Variants in PDS5A observed in about 807,000 individuals in gnomAD.
The protein encoded by PDS5A is PDS5 cohesin associated factor A, also known as sister chromatid cohesion protein PDS5 homolog A.
In PDS5A, 42 loss-of-function variants were observed where a neutral mutation model predicts 167.1. The ratio of observed to expected loss-of-function variants is 0.25; its 90% confidence interval spans 0.20 to 0.33. PDS5A has a LOEUF of 0.33. Among genes scored for constraint, PDS5A ranks in the 10% least tolerant of loss-of-function variants. The pLI is 1.00. For missense variants in PDS5A, 1,033 were observed against 1,605.9 expected (o/e 0.64, Z 6.10); for synonymous variants, 553 against 554.6 (o/e 1.00, Z 0.04).
rs1291747654 is a variant in PDS5A, at chr4:39,824,440, TA to T, written c.*1044del. 1 of 152,298 alleles carries T rather than the reference TA, an allele frequency of 6.6e-6. No individual in the cohort carries two copies. The highest frequency in any genetic ancestry group is 1.9e-4 in the East Asian group (1 of 5,200). The allele number at this position is 152,298 out of a possible 1,614,324, so 9.4% of individuals were successfully genotyped here. On this transcript the variant is annotated 3_prime_UTR_variant, in exon 33 of 33. Coordinates refer to ENST00000303538, the MANE Select transcript of PDS5A (RefSeq NM_001100399.2). ...ATAATATATTGATGCAACAGTTTTC[TA>T]AAATAAACATAAAAATGAGCCCAGA...
At position 39,922,503 on chromosome 4, in the gene PDS5A, T is replaced by C. The variant is rs916417881; in HGVS notation, c.654+119A>G. The C allele has an allele frequency of 2.1e-5, 17 of 792,074 alleles. No homozygotes were observed. The African/African-American group carries it at 3.0e-4, about 14-fold the overall frequency. The allele number at this position is 792,074 out of a possible 1,614,324, so 49.1% of individuals were successfully genotyped here. A position where few individuals can be genotyped will look rare whatever the true frequency, so the allele number is the denominator to read the frequency against. On this transcript the variant is annotated intron_variant, in intron 6 of 32. Coordinates refer to ENST00000303538, the MANE Select transcript of PDS5A (RefSeq NM_001100399.2). The stretch of plus-strand genomic sequence containing the variant: ...CTAATGCATGTTATTTTATTTGAGG[T>C]GGAGAACGGTCATGAGAACAATTAC...
At chr4:39,974,540 ATTTAT>A (rs906777483) in intron 2 of PDS5A, among the ~76,000 whole-genome samples, 3 of 152,030 alleles carry the variant, frequency 2.0e-5, no homozygotes, top group African/African-American at 7.2e-5. Flanking sequence ...TATTTGCTTT[ATTTAT>A]TTTATTTTAC....
chr4:39,853,114 A>T (rs913876571), intron 26 of PDS5A, among the ~76,000 whole-genome samples: 3 of 152,188 alleles, frequency 2.0e-5, no homozygotes, highest in Non-Finnish European at 4.4e-5. Flanking sequence ...AATTCAAAAA[A>T]ATTATTTGTA....
rs1270876343 is a variant in PDS5A at position 39,837,698 on chromosome 4, T to C, written c.4010+158A>G. 8 of 510,920 alleles carry C rather than the reference T, an allele frequency of 1.6e-5. No homozygotes were observed. In the East Asian group the frequency reaches 2.2e-4, roughly 14 times the overall value. 31.6% of individuals were successfully genotyped at this position (510,920 alleles called of 1,614,324 possible). A position where few individuals can be genotyped will look rare whatever the true frequency, so the allele number is the denominator to read the frequency against. ...ATTTGTGCCTTAAAACTGGAAGTTA[T>C]GAGATAATAACAGATGCTATTATAA... On this transcript the variant is annotated intron_variant, in intron 32 of 32. Transcript: ENST00000303538.
At chr4:39,847,139 GT>G (rs1367751279) in intron 28 of PDS5A, 2 of 151,822 alleles carry the variant, frequency 1.3e-5, no homozygotes, top group African/African-American at 4.8e-5. Context: ...AACACTGAAG[GT>G]AACAAAAGAA....
intron 2 of PDS5A, among the ~76,000 whole-genome samples, chr4:39,963,551 G>A (rs900662142): frequency 2.0e-5 from 3 of 151,814 alleles, no homozygotes; most frequent in Non-Finnish European, 4.4e-5. Flanking sequence ...TTTGCCAGTG[G>A]AAATAAACGG....
intron 9 of PDS5A, 123 bp from the exon 10 acceptor site, chr4:39,910,461 G>C: frequency 1.7e-6 from 1 of 590,686 alleles, no homozygotes; most frequent in South Asian, 2.2e-5. Context: ...TTTGTTATGA[G>C]CTAAGGTATT....
In PDS5A at chr4:39,844,848, C is replaced by G. The variant is rs1023470727; in HGVS notation, c.3403-47G>C. 1.0e-5 allele frequency: 16 copies of G among 1,546,214 alleles called. No homozygotes were observed. In the African/African-American group the frequency reaches 2.2e-4, roughly 21 times the overall value. On this transcript the variant is annotated intron_variant, in intron 29 of 32. Coordinates refer to ENST00000303538, the MANE Select transcript of PDS5A (RefSeq NM_001100399.2). ...CCCCCAAAAACACACACGTTTATAC[C>G]TTACCATGTATACATGTAAATTTAG...
At chr4:39,855,083 C>T (rs759527703) in intron 26 of PDS5A, among the ~76,000 whole-genome samples, 8 of 152,026 alleles carry the variant, frequency 5.3e-5, no homozygotes, top group Non-Finnish European at 1.2e-4. Context: ...ATTGCAACAA[C>T]AAAACAACTA....
At chr4:39,910,755 G>A (rs911975538) in intron 9 of PDS5A, among the ~76,000 whole-genome samples, 6 of 152,160 alleles carry the variant, frequency 3.9e-5, no homozygotes, top group Non-Finnish European at 7.4e-5. Context: ...TGCACTTTGG[G>A]AGGCGGAGAC....
intron 2 of PDS5A, among the ~76,000 whole-genome samples, chr4:39,942,311 GAA>G (rs138288403): frequency 1.3e-5 from 2 of 152,026 alleles, no homozygotes; most frequent in Non-Finnish European, 2.9e-5. Context: ...GCTTTACACA[GAA>G]AAAAGAAAGC....
At chr4:39,862,193 A>G in intron 26 of PDS5A, 26 bp downstream of exon 26, 1 of 884,688 alleles carries the variant, frequency 1.1e-6, no homozygotes, top group Non-Finnish European at 1.7e-6. Context: ...TAATTTTTAG[A>G]GTTCTTGAAA....
Position 39,908,552 on chromosome 4 carries a change from G to GA in PDS5A, c.1088-13dup, listed in dbSNP as rs35396203. The GA allele has an allele frequency of 7.7e-5, 112 of 1,456,284 alleles. No individual in the cohort carries two copies. Among genetic ancestry groups the GA allele is most frequent in the African/African-American group, 9.8e-5 (7 of 71,386 alleles). The allele number at this position is 1,456,284 out of a possible 1,614,324, so 90.2% of individuals were successfully genotyped here. A position where few individuals can be genotyped will look rare whatever the true frequency, so the allele number is the denominator to read the frequency against. ...AACCTTTAAATATTCTGTAATAAGA[G>GA]AAAAAAAACTTAGGCTAAATGTTAG... is the stretch of plus-strand genomic sequence containing the variant. On this transcript the variant is annotated splice_polypyrimidine_tract_variant and intron_variant, in intron 10 of 32. Transcript: ENST00000303538.
At chr4:39,912,633 T>C (rs187415722) in intron 9 of PDS5A, among the ~76,000 whole-genome samples, 11 of 152,304 alleles carry the variant, frequency 7.2e-5, no homozygotes, top group African/African-American at 2.6e-4. Context: ...CACCAACTAC[T>C]GAATCAGTTG....
In PDS5A at chr4:39,920,329, C is replaced by A; in HGVS notation, c.725G>T (p.Cys242Phe). Reference sequence around the variant, plus strand: ...GAAAGAAATACATACATTAGCAATGCATGCCTCAATAGTCTGGACTGTTCT... The same window carrying A: ...GAAAGAAATACATACATTAGCAATGAATGCCTCAATAGTCTGGACTGTTCT... ...LKRTVQTIEA[C>F]IANFFNQVLV... The change falls in exon 7 of 33, where the codon TGC becomes TTC. Residue 242 changes from cysteine (C) to phenylalanine (F), a missense_variant. Around this residue, in one of 4 missense-constraint regions of PDS5A, gnomAD observed 388 missense variants for 615.1 expected, o/e 0.63. Coordinates refer to ENST00000303538, the MANE Select transcript of PDS5A (RefSeq NM_001100399.2). The A allele has an allele frequency of 6.9e-7, 1 of 1,440,052 alleles. No individual in the cohort carries two copies. Among genetic ancestry groups the A allele is most frequent in the Non-Finnish European group, 9.7e-7 (1 of 1,031,852 alleles). 89.2% of individuals were successfully genotyped at this position (1,440,052 alleles called of 1,614,324 possible). A position where few individuals can be genotyped will look rare whatever the true frequency, so the allele number is the denominator to read the frequency against.
intron 2 of PDS5A, among the ~76,000 whole-genome samples, chr4:39,965,936 TTTATG>T (rs1385383960): frequency 1.3e-5 from 2 of 152,150 alleles, no homozygotes; most frequent in Admixed American, 6.6e-5. Context: ...AGTGATAAAT[TTTATG>T]TTATGTATAT....
chr4:39,826,504 TG>T (rs1715339065), intron 32 of PDS5A, among the ~76,000 whole-genome samples: 2 of 151,688 alleles, frequency 1.3e-5, no homozygotes, highest in Admixed American at 1.3e-4. Flanking sequence ...TTTATTTATT[TG>T]AGATGGAGTC....
At chr4:39,869,280 G>A in intron 22 of PDS5A, 114 bp downstream of exon 22, 1 of 736,026 alleles carries the variant, frequency 1.4e-6, no homozygotes, top group Non-Finnish European at 2.4e-6. Flanking sequence ...AGACCAAACT[G>A]AGCAACACAG....
At chr4:39,870,829 T>C (rs1375794176) in intron 21 of PDS5A, among the ~76,000 whole-genome samples, 1 of 152,096 alleles carries the variant, frequency 6.6e-6, no homozygotes, top group Non-Finnish European at 1.5e-5. Context: ...TATTCCTAGA[T>C]ATATACCCAA....
Sources: allele counts gnomAD v4.1 joint callset (sites outside exome capture counted in the v4.1 genomes callset), GRCh38; gene constraint gnomAD v4.1.1; regional missense constraint gnomAD v4.1.1; transcripts MANE v1.5; gene names NCBI Gene and HGNC (gene_info 2026-07-23, HGNC 2026-07-21).